The following PRKAR1A variants were observed in gnomAD, a reference collection of about 807,000 sequenced individuals.
PRKAR1A encodes the protein protein kinase cAMP-dependent type I regulatory subunit alpha, also known as cAMP-dependent protein kinase type I-alpha regulatory subunit.
A neutral mutation model predicts 52.0 loss-of-function variants in PRKAR1A; 3 were observed. The observed-to-expected ratio is 0.06, with a 90% confidence interval of 0.03 to 0.15. The LOEUF (loss-of-function observed/expected upper bound fraction) is 0.15. Ranked by LOEUF, PRKAR1A falls within the 10% of genes least tolerant of loss-of-function variation. The pLI is 1.00. For synonymous variants in PRKAR1A, 188 were observed against 168.4 expected, an observed-to-expected ratio of 1.12 and a Z score of -0.90; for missense variants, 240 against 477.4, an observed-to-expected ratio of 0.50 and a Z score of 4.63.
At chr17:68,509,233 C>G (rs781779134), upstream of PRKAR1A, among the ~76,000 whole-genome samples, 1 of 152,174 alleles carries the variant, frequency 6.6e-6, no homozygotes, top group Non-Finnish European at 1.5e-5. Context: ...GTGGCCAGGG[C>G]TGCAGTGCAG....
chr17:68,479,873 C>T, the PRKAR1A span, among the ~76,000 whole-genome samples: 1 of 152,198 alleles, frequency 6.6e-6, no homozygotes, highest in Non-Finnish European at 1.5e-5. Flanking sequence ...GAAGAAAACA[C>T]GTCCTTCTTC....
the PRKAR1A span, among the ~76,000 whole-genome samples, chr17:68,476,750 C>T: frequency 6.6e-6 from 1 of 151,992 alleles, no homozygotes; most frequent in Non-Finnish European, 1.5e-5. Flanking sequence ...GCAACCTCTG[C>T]CTCCTGGGTT....
chr17:68,414,227 C>T, the PRKAR1A span: 4 of 152,244 alleles, frequency 2.6e-5, no homozygotes, highest in South Asian at 4.1e-4. Flanking sequence ...AATCATAAAG[C>T]GATGCTGGAT....
In PRKAR1A at chr17:68,523,761, G is replaced by T; in HGVS notation, c.385G>T (p.Ala129Ser). The T allele has an allele frequency of 6.2e-7, 1 of 1,613,736 alleles. No individual in the cohort carries two copies. The highest frequency in any genetic ancestry group is 8.5e-7 in the Non-Finnish European group (1 of 1,179,980). The change falls in exon 4 of 11, where the codon GCC becomes TCC. Residue 129 changes from alanine (A) to serine (S), a missense_variant. Transcript: ENST00000589228. ...PKDYKTMAAL[A>S]KAIEKNVLFS... ...AGATTACAAGACAATGGCCGCTTTA[G>T]CCAAAGCCATTGAAAAGAATGTGCT... is the stretch of plus-strand genomic sequence containing the variant.
chr17:68,483,258 A>C, the PRKAR1A span, among the ~76,000 whole-genome samples: 2 of 152,102 alleles, frequency 1.3e-5, no homozygotes, highest in South Asian at 4.1e-4. Flanking sequence ...AGGTGGGTGA[A>C]TCACCTGAGG....
chr17:68,436,282 C>T, the PRKAR1A span: 21 of 1,056,876 alleles, frequency 2.0e-5, no homozygotes, highest in South Asian at 1.2e-4. Flanking sequence ...TTACTCCCAC[C>T]GCCTCCAGCC....
In PRKAR1A at chr17:68,540,755, T is replaced by G; in HGVS notation, c.974-10329T>G. The G allele has an allele frequency of 2.0e-6, 3 of 1,476,604 alleles. No individual in the cohort carries two copies. The South Asian group carries it at 3.7e-5, about 18-fold the overall frequency. The allele number at this position is 1,476,604 out of a possible 1,614,324, so 91.5% of individuals were successfully genotyped here. A position where few individuals can be genotyped will look rare whatever the true frequency, so the allele number is the denominator to read the frequency against. The stretch of plus-strand genomic sequence containing the variant: ...GAGGTGCAGAGTTACTCAGTCCTCA[T>G]GAACCAGGTTGTAAGTTTGTGCTCA... On this transcript the variant is annotated intron_variant, in intron 11 of 11. Transcript: ENST00000585981.
the PRKAR1A span, among the ~76,000 whole-genome samples, chr17:68,423,974 C>G: frequency 6.6e-6 from 1 of 152,116 alleles, no homozygotes; most frequent in African/African-American, 2.4e-5. This position sits in a 1 kb window ranked among gnomAD's most constrained non-coding sequence, Gnocchi z 4.4. Context: ...TAAACCCTGA[C>G]AGAGTAGAAT....
At chr17:68,442,430 A>T in the PRKAR1A span, among the ~76,000 whole-genome samples, 1 of 144,356 alleles carries the variant, frequency 6.9e-6, no homozygotes, top group Non-Finnish European at 1.5e-5. Flanking sequence ...GCACCACCTC[A>T]CTCCAGCCTG....
chr17:68,457,433 CCCGGGAAG>C, the PRKAR1A span: 1 of 416,860 alleles, frequency 2.4e-6, no homozygotes, highest in Admixed American at 6.3e-5. Flanking sequence ...GGGGGCTCGG[CCCGGGAAG>C]CCGCAGCTCG....
chr17:68,421,880 C>T, the PRKAR1A span: 1 of 1,605,876 alleles, frequency 6.2e-7, no homozygotes, highest in Non-Finnish European at 8.5e-7. Flanking sequence ...TAGGCAGGTG[C>T]ATTATCAACA....
chr17:68,520,023 CAT>C (rs1341155796), intron 2 of PRKAR1A, among the ~76,000 whole-genome samples: 1 of 152,216 alleles, frequency 6.6e-6, no homozygotes, highest in East Asian at 1.9e-4. Flanking sequence ...ACAGACCAGT[CAT>C]GTGCAGTTCT....
chr17:68,546,724 G>A (rs1169876113), intron 11 of PRKAR1A, among the ~76,000 whole-genome samples: 1 of 151,978 alleles, frequency 6.6e-6, no homozygotes, highest in Non-Finnish European at 1.5e-5. Flanking sequence ...CAGCCACTCG[G>A]GAGGCTGAGG....
At chr17:68,542,304 T>C (rs2086337357) in intron 11 of PRKAR1A, 4 of 989,860 alleles carry the variant, frequency 4.0e-6, no homozygotes, top group African/African-American at 1.6e-5. Context: ...GAAGGAAACA[T>C]TGACTTTTCC....
At chr17:68,427,143 G>A in the PRKAR1A span, 126 of 1,613,760 alleles carry the variant, frequency 7.8e-5, no homozygotes, top group East Asian at 8.9e-5. Flanking sequence ...ACCTGGCACC[G>A]TGGAGGCTGA....
At chr17:68,543,936 G>C (rs755699154) in intron 11 of PRKAR1A, among the ~76,000 whole-genome samples, 1 of 152,208 alleles carries the variant, frequency 6.6e-6, no homozygotes, top group Non-Finnish European at 1.5e-5. Context: ...GCAAGACACT[G>C]TCCTGCAGGC....
intron 2 of PRKAR1A, among the ~76,000 whole-genome samples, chr17:68,521,188 C>T (rs141307051): frequency 2.8e-4 from 42 of 152,258 alleles, no homozygotes; most frequent in African/African-American, 9.6e-4. Context: ...GGTCTGCCCA[C>T]CTTGGCCTCC....
the PRKAR1A span, among the ~76,000 whole-genome samples, chr17:68,497,840 A>G: frequency 1.3e-5 from 2 of 152,232 alleles, no homozygotes; most frequent in African/African-American, 2.4e-5. Flanking sequence ...CAAGACACAT[A>G]GACATTGAAT....
At chr17:68,469,075 C>T in the PRKAR1A span, among the ~76,000 whole-genome samples, 1 of 152,140 alleles carries the variant, frequency 6.6e-6, no homozygotes, top group African/African-American at 2.4e-5. Context: ...ATCTCTTTCT[C>T]CTGAGCAGTT....
Sources: gnomAD v4.1 joint callset for allele counts (sites outside exome capture counted in the v4.1 genomes callset) on GRCh38, gnomAD v4.1.1 for gene constraint, Gnocchi (gnomAD v3.1) non-coding constraint, MANE v1.5 for transcripts, NCBI Gene and HGNC (gene_info 2026-07-23, HGNC 2026-07-21) for gene names.